The following PCDH9 variants were observed in gnomAD, a reference collection of about 807,000 sequenced individuals.
PCDH9 encodes protocadherin 9.
Under a neutral mutation model 70.6 loss-of-function variants are expected in PCDH9, and 24 were observed. The observed-to-expected ratio is 0.34, with a 90% CI of 0.25 to 0.48. The LOEUF (loss-of-function observed/expected upper bound fraction) is 0.48, where lower values mean the gene tolerates loss of function less well. PCDH9 is among the 20% of genes least tolerant of loss of function. The pLI is 0.99. For missense variants in PCDH9, 1,281 were observed against 1,503.6 expected (o/e 0.85, Z 2.45); for synonymous variants, 562 against 558.5 (o/e 1.01, Z -0.09).
chr13:66,884,496 G>A (rs2081974434), intron 3 of PCDH9, among the ~76,000 whole-genome samples: 1 of 152,160 alleles, frequency 6.6e-6, no homozygotes, highest in Admixed American at 6.6e-5. Context: ...GTAGACGTAT[G>A]TTGAGAGACT....
intron 3 of PCDH9, among the ~76,000 whole-genome samples, chr13:66,837,584 T>C (rs934909419): frequency 6.6e-6 from 1 of 152,104 alleles, no homozygotes; most frequent in African/African-American, 2.4e-5. Context: ...TTCTCTAAAT[T>C]AAGTAACGAG....
chr13:66,687,091 TGA>T (rs1198190582), intron 3 of PCDH9, among the ~76,000 whole-genome samples: 1 of 152,114 alleles, frequency 6.6e-6, no homozygotes, highest in African/African-American at 2.4e-5. Flanking sequence ...AGGAGTATTA[TGA>T]GATGAGGGTT....
chr13:67,173,982 T>C (rs907896419), intron 2 of PCDH9, among the ~76,000 whole-genome samples: 1 of 152,132 alleles, frequency 6.6e-6, no homozygotes, highest in Non-Finnish European at 1.5e-5. Context: ...TCAAAAAACA[T>C]ACCAATTCAT....
intron 2 of PCDH9, among the ~76,000 whole-genome samples, chr13:67,028,776 TAC>T (rs1416965890): frequency 6.6e-6 from 1 of 152,154 alleles, no homozygotes; most frequent in African/African-American, 2.4e-5. Context: ...CTATTTATAA[TAC>T]ACACACTGAC....
At chr13:66,540,410 C>A (rs1193663599) in intron 4 of PCDH9, among the ~76,000 whole-genome samples, 1 of 152,058 alleles carries the variant, frequency 6.6e-6, no homozygotes, top group Non-Finnish European at 1.5e-5. Context: ...ACTTTCAGTT[C>A]TGTTCATGTA....
chr13:66,796,167 T>C (rs2080237353), intron 3 of PCDH9, among the ~76,000 whole-genome samples: 1 of 152,188 alleles, frequency 6.6e-6, no homozygotes. Context: ...GGCTATCATC[T>C]GCAGTTGGCT....
chr13:67,031,819 T>C (rs959155069), intron 2 of PCDH9, among the ~76,000 whole-genome samples: 1 of 152,210 alleles, frequency 6.6e-6, no homozygotes, highest in African/African-American at 2.4e-5. Context: ...GCATTAGAAA[T>C]GTTTATATTG....
At chr13:66,676,912 T>C (rs2078250840) in intron 3 of PCDH9, among the ~76,000 whole-genome samples, 1 of 152,116 alleles carries the variant, frequency 6.6e-6, no homozygotes, top group African/African-American at 2.4e-5. Context: ...AATTAATGTT[T>C]GTTTTCCTTT....
chr13:66,423,421 A>T lies in PCDH9; in HGVS notation c.3341-118393T>A, dbSNP rs538058832. On this transcript the variant is annotated intron_variant, in intron 4 of 4. Transcript: ENST00000377865. ...TATCCCTGATGAACATCATTGCGAA[A>T]ATCCTCAATAAAATACTGGCAAACC... Among the ~76,000 whole-genome samples, 5 of 152,290 alleles carry T rather than the reference A, an allele frequency of 3.3e-5. No individual in the cohort carries two copies. The East Asian group carries it at 9.6e-4, about 29-fold the overall frequency.
intron 4 of PCDH9, among the ~76,000 whole-genome samples, chr13:66,395,029 ACTGGT>A (rs774886207): frequency 6.6e-6 from 1 of 152,188 alleles, no homozygotes; most frequent in Non-Finnish European, 1.5e-5. Flanking sequence ...ACAAAACAAT[ACTGGT>A]CATATACAAT....
At chr13:66,348,627 T>C (rs940576620) in intron 4 of PCDH9, among the ~76,000 whole-genome samples, 1 of 151,758 alleles carries the variant, frequency 6.6e-6, no homozygotes, top group Non-Finnish European at 1.5e-5. Flanking sequence ...AACTTTCTCT[T>C]CTAACCTATT....
chr13:66,521,345 A>G (rs1212013975), intron 4 of PCDH9, among the ~76,000 whole-genome samples: 1 of 152,150 alleles, frequency 6.6e-6, no homozygotes, highest in African/African-American at 2.4e-5. Flanking sequence ...TTGAAAGGAA[A>G]TGGGCCATGA....
intron 4 of PCDH9, among the ~76,000 whole-genome samples, chr13:66,482,272 A>G (rs1208317975): frequency 6.6e-6 from 1 of 152,166 alleles, no homozygotes. Flanking sequence ...TCACTCTGCC[A>G]TTTTTGGCAG....
chr13:67,164,534 A>G (rs1206538939), intron 2 of PCDH9, among the ~76,000 whole-genome samples: 1 of 150,426 alleles, frequency 6.6e-6, no homozygotes, highest in Non-Finnish European at 1.5e-5. Context: ...ATAGCATGCC[A>G]CTGCACTCCA....
chr13:66,372,671 T>C (rs1956677247), intron 4 of PCDH9, among the ~76,000 whole-genome samples: 2 of 151,700 alleles, frequency 1.3e-5, no homozygotes, highest in South Asian at 4.1e-4. Flanking sequence ...GAAGGGAATG[T>C]CCATTGGCAA....
chr13:66,777,021 C>G (rs1018686729), intron 3 of PCDH9, among the ~76,000 whole-genome samples: 1 of 151,650 alleles, frequency 6.6e-6, no homozygotes, highest in Non-Finnish European at 1.5e-5. Flanking sequence ...GAAAAACAAG[C>G]AATGGGGAAA....
chr13:66,687,755 C>A (rs1192246829), intron 3 of PCDH9, among the ~76,000 whole-genome samples: 1 of 152,070 alleles, frequency 6.6e-6, no homozygotes, highest in African/African-American at 2.4e-5. Context: ...CTGACACCAC[C>A]ATTTCCAAAA....
chr13:66,326,774 C>A (rs1241241700), intron 4 of PCDH9, among the ~76,000 whole-genome samples: 1 of 152,068 alleles, frequency 6.6e-6, no homozygotes, highest in African/African-American at 2.4e-5. Context: ...AGGCCAAAGA[C>A]ATCTTGAAAT....
chr13:66,782,865 G>C (rs1355172497), intron 3 of PCDH9: 1 of 152,148 alleles, frequency 6.6e-6, no homozygotes, highest in African/African-American at 2.4e-5. Flanking sequence ...AATGGTAATG[G>C]ATATTATTAA....
Sources: allele counts gnomAD v4.1 joint callset (sites outside exome capture counted in the v4.1 genomes callset), GRCh38; gene constraint gnomAD v4.1.1; transcripts MANE v1.5; gene names NCBI Gene and HGNC (gene_info 2026-07-23, HGNC 2026-07-21).